The following SYT1 variants were observed in gnomAD, a reference collection of about 807,000 sequenced individuals.
SYT1 encodes synaptotagmin-1.
A neutral mutation model predicts 44.8 loss-of-function variants in SYT1; 8 were observed. That is an observed-to-expected ratio of 0.18 (90% CI 0.10 to 0.32). The LOEUF (loss-of-function observed/expected upper bound fraction) is 0.32. Ranked by LOEUF, SYT1 falls within the 10% of genes least tolerant of loss-of-function variation. The pLI, the probability that SYT1 is intolerant of heterozygous loss-of-function variation, is 1.00. For synonymous variants in SYT1, 154 were observed against 188.8 expected (o/e 0.82, Z 1.51); for missense variants, 286 against 509.3 (o/e 0.56, Z 4.22).
intron 8 of SYT1, among the ~76,000 whole-genome samples, chr12:79,349,056 AG>A (rs1223897602): frequency 9.2e-4 from 116 of 125,952 alleles, no homozygotes; most frequent in African/African-American, 2.6e-3. Flanking sequence ...AAAGAAAGAA[AG>A]GAGGGAGGGA....
chr12:79,340,097 G>A (rs1387869705), intron 8 of SYT1, among the ~76,000 whole-genome samples: 1 of 152,164 alleles, frequency 6.6e-6, no homozygotes, highest in Non-Finnish European at 1.5e-5. Flanking sequence ...TTTGAAGTCA[G>A]GTAGTGTGAT....
At chr12:79,245,748 T>C (rs1235016480) in intron 4 of SYT1, among the ~76,000 whole-genome samples, 2 of 152,164 alleles carry the variant, frequency 1.3e-5, no homozygotes, top group Admixed American at 1.3e-4. Flanking sequence ...TTATAGATCA[T>C]GTAGTAGGAT....
At chr12:79,296,280 C>T in intron 7 of SYT1, 44 bp downstream of exon 7, 1 of 1,568,882 alleles carries the variant, frequency 6.4e-7, no homozygotes, top group African/African-American at 1.4e-5. Flanking sequence ...TGTTGTTTTA[C>T]TTAAAAGACT....
rs775009553 is a variant in SYT1, at chr12:79,285,921, G to T, written c.301G>T (p.Ala101Ser). Residue 101 changes from alanine (A) to serine (S), a missense_variant, in exon 5 of 11, where the codon GCC becomes TCC. Ala to Ser is a moderately conservative substitution (Grantham distance 99). This residue lies in a region of SYT1 where 141 missense variants were observed against 165.7 expected (regional missense o/e 0.85). Transcript: ENST00000261205. ...KKGKEKGGKNAINMKDVKDLG... is the reference protein window; with the variant it reads ...KKGKEKGGKNSINMKDVKDLG... ...GGGAAAGGAAAAAGGAGGGAAGAATGCCATTAACATGAAAGATGTAAAAGA... is the reference window on the plus strand; with the variant it reads ...GGGAAAGGAAAAAGGAGGGAAGAATTCCATTAACATGAAAGATGTAAAAGA... 1 of 1,613,378 alleles carries T rather than the reference G, an allele frequency of 6.2e-7. No homozygotes were observed. The highest frequency in any genetic ancestry group is 8.5e-7 in the Non-Finnish European group (1 of 1,179,792).
chr12:79,246,965 TG>T (rs1876887686), intron 4 of SYT1, among the ~76,000 whole-genome samples: 2 of 152,198 alleles, frequency 1.3e-5, no homozygotes, highest in South Asian at 4.1e-4. Context: ...ATTCAGTTAT[TG>T]GGGGTGTTAG....
At chr12:79,001,329 T>C (rs1171864886) in intron 2 of SYT1, among the ~76,000 whole-genome samples, 1 of 152,158 alleles carries the variant, frequency 6.6e-6, no homozygotes, top group East Asian at 1.9e-4. Context: ...TTCTGAAGTT[T>C]CATCATTCAG....
rs550922180 is a variant in SYT1, at chr12:78,906,580, A to G, written c.-217+41471A>G. On this transcript the variant is annotated intron_variant, in intron 1 of 10. Transcript: ENST00000261205. ...ATACATGAGTTGTCTGTGGGCCACAAATTCATGCGACAGCATTCAAGTTGT... is the reference window on the plus strand; with the variant it reads ...ATACATGAGTTGTCTGTGGGCCACAGATTCATGCGACAGCATTCAAGTTGT... 4.6e-5 allele frequency among the ~76,000 whole-genome samples: 7 copies of G among 152,264 alleles called. No homozygotes were observed. The East Asian group carries it at 1.4e-3, about 29-fold the overall frequency.
At chr12:79,283,726 CT>C (rs1879165451) in intron 4 of SYT1, among the ~76,000 whole-genome samples, 1 of 152,028 alleles carries the variant, frequency 6.6e-6, no homozygotes. Flanking sequence ...AAATAATTTA[CT>C]TTTTATGTAA....
At chr12:79,191,244 T>C (rs552449916) in intron 3 of SYT1, among the ~76,000 whole-genome samples, 28 of 152,152 alleles carry the variant, frequency 1.8e-4, no homozygotes, top group African/African-American at 6.7e-4. Flanking sequence ...TACATACCAA[T>C]TATAAAAATA....
At chr12:78,935,547 T>C (rs750353753) in intron 1 of SYT1, among the ~76,000 whole-genome samples, 3 of 152,166 alleles carry the variant, frequency 2.0e-5, no homozygotes, top group Non-Finnish European at 4.4e-5. Context: ...TGAATAATTT[T>C]CCAAATTATA....
Position 79,119,078 on chromosome 12 carries a change from C to T in SYT1, c.-18+71716C>T, listed in dbSNP as rs541180491. ...GTCGTTTTCTTCTTCTCCATTACCC[C>T]TAATATATTCCTACAAATTTTATCT... On this transcript the variant is annotated intron_variant, in intron 3 of 10. Transcript: ENST00000261205. 3.9e-5 allele frequency among the ~76,000 whole-genome samples: 6 copies of T among 152,244 alleles called. No homozygotes were observed. The East Asian group carries it at 1.2e-3, about 29-fold the overall frequency.
chr12:79,037,230 G>T (rs151174649), intron 2 of SYT1, among the ~76,000 whole-genome samples: 16 of 151,298 alleles, frequency 1.1e-4, no homozygotes, highest in African/African-American at 3.9e-4. Context: ...TGCCCTTATC[G>T]TCACTCAGTC....
intron 3 of SYT1, among the ~76,000 whole-genome samples, chr12:79,162,484 T>G (rs1871007352): frequency 6.6e-6 from 1 of 152,144 alleles, no homozygotes; most frequent in African/African-American, 2.4e-5. Flanking sequence ...GACCATTCTA[T>G]TCACTGTTCC....
At chr12:79,080,002 AATTT>A (rs1384245900) in intron 3 of SYT1, among the ~76,000 whole-genome samples, 4 of 152,130 alleles carry the variant, frequency 2.6e-5, no homozygotes, top group Non-Finnish European at 4.4e-5. Flanking sequence ...AATCTTAATT[AATTT>A]AAGGAGAATC....
intron 1 of SYT1, among the ~76,000 whole-genome samples, chr12:78,906,212 AC>A (rs1461353190): frequency 2.0e-5 from 3 of 152,104 alleles, no homozygotes; most frequent in Admixed American, 6.6e-5. Flanking sequence ...AGAAAAAAAA[AC>A]AAAATGAAAT....
At chr12:79,281,495 G>A (rs572831033) in intron 4 of SYT1, among the ~76,000 whole-genome samples, 45 of 152,230 alleles carry the variant, frequency 3.0e-4, no homozygotes, top group African/African-American at 9.6e-4. Flanking sequence ...GTATGCATGG[G>A]CATATAGAAT....
At chr12:79,341,240 T>C (rs1043990046) in intron 8 of SYT1, 1 of 152,178 alleles carries the variant, frequency 6.6e-6, no homozygotes, top group African/African-American at 2.4e-5. Flanking sequence ...TATTAATTAT[T>C]TCAGGCTAGG....
intron 8 of SYT1, among the ~76,000 whole-genome samples, chr12:79,341,747 C>T (rs1190428665): frequency 7.3e-6 from 1 of 137,232 alleles, no homozygotes; most frequent in African/African-American, 2.8e-5. Flanking sequence ...CAGCTCACTG[C>T]AAGCTCCAAC....
At chr12:78,947,783 C>T (rs924292460) in intron 1 of SYT1, among the ~76,000 whole-genome samples, 90 of 149,710 alleles carry the variant, frequency 6.0e-4, no homozygotes, top group African/African-American at 1.7e-3. Context: ...GAGTCTATTC[C>T]AGGAGGGATT....
Sources: allele counts gnomAD v4.1 joint callset (sites outside exome capture counted in the v4.1 genomes callset), GRCh38; gene constraint gnomAD v4.1.1; regional missense constraint gnomAD v4.1.1; transcripts MANE v1.5; gene names NCBI Gene and HGNC (gene_info 2026-07-23, HGNC 2026-07-21).